Variants in RELN observed in about 807,000 individuals in gnomAD.
The protein encoded by RELN is reelin.
In RELN, 108 loss-of-function variants were observed where a neutral mutation model predicts 427.6. The observed-to-expected ratio is 0.25, with a 90% confidence interval of 0.22 to 0.30. RELN has a LOEUF of 0.30. RELN is among the 10% of genes least tolerant of loss of function. RELN has a pLI of 1.00. For synonymous variants in RELN, 1,524 were observed against 1,513.4 expected, an observed-to-expected ratio of 1.01 and a Z score of -0.16; for missense variants, 3,715 against 4,302.8, an observed-to-expected ratio of 0.86 and a Z score of 3.82.
intron 64 of RELN, among the ~76,000 whole-genome samples, chr7:103,475,224 T>C (rs1158656904): frequency 2.0e-5 from 3 of 152,194 alleles, no homozygotes; most frequent in Non-Finnish European, 4.4e-5. Flanking sequence ...AACTTTTTTT[T>C]TTTTACTTTG....
In RELN at chr7:103,561,556, A is replaced by G. The variant is rs1830641502; in HGVS notation, c.5505T>C (p.Ser1835=). ...CCCCTTTAAAAATTAGAGATGTTCC[A>G]GATTTGATGGTTTCACCATTCAGAT... is the stretch of plus-strand genomic sequence containing the variant. The part of the protein sequence containing the change: ...RGNLNGETIK[S]GTSLIFKGEG... Residue 1835 remains serine (S), a synonymous_variant, in exon 36 of 65, where the codon TCT becomes TCC. Coordinates refer to ENST00000428762, the MANE Select transcript of RELN (RefSeq NM_005045.4). The G allele has an allele frequency of 1.2e-6, 2 of 1,613,704 alleles. No homozygotes were observed. The highest frequency in any genetic ancestry group is 1.7e-6 in the Non-Finnish European group (2 of 1,179,740).
At chr7:103,627,715 T>A (rs1832358188) in intron 20 of RELN, among the ~76,000 whole-genome samples, 1 of 152,186 alleles carries the variant, frequency 6.6e-6, no homozygotes, top group African/African-American at 2.4e-5. Flanking sequence ...ACTCCTATGG[T>A]GCTGCTCAAG....
intron 10 of RELN, among the ~76,000 whole-genome samples, chr7:103,684,899 A>C (rs115035483): frequency 0.01 from 1,572 of 152,296 alleles, 33 homozygotes; most frequent in African/African-American, 0.035. Context: ...ATCTATTTTA[A>C]ACTATTTTTC....
At position 103,988,706 on chromosome 7, in the gene RELN, C is replaced by A. The variant is rs1414547817; in HGVS notation, c.226+425G>T. Among the ~76,000 whole-genome samples the A allele has an allele frequency of 6.6e-6, 1 of 152,168 alleles. No homozygotes were observed. The highest frequency in any genetic ancestry group is 2.4e-5 in the African/African-American group (1 of 41,444). The stretch of plus-strand genomic sequence containing the variant: ...TCTGTCACCAGCCTGCCCGCAAAGC[C>A]CAGCGACAGCCCCCAACGCCCCCCC... On this transcript the variant is annotated intron_variant, in intron 1 of 64. Transcript: ENST00000428762. This position sits in a 1 kb window ranked among gnomAD's most constrained non-coding sequence, Gnocchi z 4.9.
At chr7:103,499,050 C>T (rs1215518181) in intron 53 of RELN, among the ~76,000 whole-genome samples, 3 of 152,172 alleles carry the variant, frequency 2.0e-5, no homozygotes, top group Admixed American at 1.3e-4. Flanking sequence ...CAGGATCCTT[C>T]AGCCTCTAGC....
intron 2 of RELN, among the ~76,000 whole-genome samples, chr7:103,880,235 C>T (rs1225672774): frequency 1.3e-5 from 2 of 151,950 alleles, no homozygotes. Flanking sequence ...AAAGCTTACA[C>T]ATTCTTGGTG....
intron 9 of RELN, among the ~76,000 whole-genome samples, chr7:103,700,137 T>C (rs897545671): frequency 3.9e-5 from 6 of 152,106 alleles, no homozygotes; most frequent in African/African-American, 1.4e-4. Context: ...ACTTAAGTTA[T>C]GCTAATTTAA....
intron 2 of RELN, among the ~76,000 whole-genome samples, chr7:103,854,176 T>C (rs1480853796): frequency 6.6e-6 from 1 of 152,184 alleles, no homozygotes; most frequent in Non-Finnish European, 1.5e-5. Flanking sequence ...TTCACCAACC[T>C]GTTTGCTTTT....
chr7:103,632,044 G>C (rs1015763736), intron 19 of RELN, among the ~76,000 whole-genome samples: 2 of 152,048 alleles, frequency 1.3e-5, no homozygotes, highest in African/African-American at 2.4e-5. Context: ...ATAACAACTG[G>C]AAACTAGAAT....
At position 103,707,897 on chromosome 7, in the gene RELN, T is replaced by C. The variant is rs368342503; in HGVS notation, c.806-6891A>G. On this transcript the variant is annotated intron_variant, in intron 8 of 64. Transcript: ENST00000428762. ...TACAATTTTACCATAAAGAAACAAA[T>C]AATATTTACCAGTGTAAAACAGTAC... Among the ~76,000 whole-genome samples, 3 of 152,252 alleles carry C rather than the reference T, an allele frequency of 2.0e-5. No individual in the cohort carries two copies. The East Asian group carries it at 5.8e-4, about 29-fold the overall frequency.
chr7:103,734,249 C>T (rs1790435656), intron 6 of RELN, among the ~76,000 whole-genome samples: 1 of 152,094 alleles, frequency 6.6e-6, no homozygotes, highest in African/African-American at 2.4e-5. Context: ...TTTCAATAAT[C>T]CCAGTTAAAC....
intron 1 of RELN, among the ~76,000 whole-genome samples, chr7:103,919,602 T>C (rs1202362622): frequency 2.0e-5 from 3 of 152,140 alleles, no homozygotes; most frequent in Non-Finnish European, 2.9e-5. Flanking sequence ...AACCCTTTAG[T>C]GTCTGCCTCA....
At chr7:103,706,090 C>T (rs1227289216) in intron 8 of RELN, among the ~76,000 whole-genome samples, 1 of 152,072 alleles carries the variant, frequency 6.6e-6, no homozygotes, top group East Asian at 1.9e-4. Flanking sequence ...TGGGCTATTT[C>T]CCTACTCTTT....
intron 3 of RELN, among the ~76,000 whole-genome samples, chr7:103,823,583 C>T (rs570154236): frequency 2.6e-5 from 4 of 151,994 alleles, no homozygotes; most frequent in Non-Finnish European, 2.9e-5. Flanking sequence ...ATACTGATTT[C>T]CTTTTCCCTC....
At chr7:103,875,261 G>A (rs995457865) in intron 2 of RELN, among the ~76,000 whole-genome samples, 5 of 150,036 alleles carry the variant, frequency 3.3e-5, no homozygotes, top group African/African-American at 1.2e-4. Context: ...AACCCTAGAA[G>A]AAAACCTAGG....
Position 103,989,289 on chromosome 7 carries a change from G to T in RELN, c.68C>A (p.Ala23Glu), listed in dbSNP as rs370745351. Residue 23 changes from alanine (A) to glutamate (E), a missense_variant, in exon 1 of 65, where the codon GCG becomes GAG. By Grantham distance (107) the Ala-to-Glu change is moderately radical. This residue lies in a region of RELN where 2,208 missense variants were observed against 2,361.7 expected (regional missense o/e 0.93). Coordinates refer to ENST00000428762, the MANE Select transcript of RELN (RefSeq NM_005045.4). This position sits in a 1 kb window ranked among gnomAD's most constrained non-coding sequence, Gnocchi z 4.9. ...GGGGTAATAGCCAGCCGCCGCGCGC[G>T]CCCTCAGCGTCGCCCCCAGCAACAG... ...LALLLGATLR[A>E]RAAAGYYPRF... is the part of the protein sequence containing the mutation. 1.2e-6 allele frequency: 2 copies of T among 1,612,706 alleles called. No homozygotes were observed. The highest frequency in any genetic ancestry group is 2.2e-5 in the South Asian group (2 of 91,016).
In RELN at chr7:103,589,593, T is replaced by C; in HGVS notation, c.4145+3A>G. ...CCAAACCCATTAAGAATGATTACTT[T>C]ACCTGGATGCAAGAGACCTTGGAAT... On this transcript the variant is annotated splice_donor_region_variant and intron_variant, in intron 28 of 64. Coordinates refer to ENST00000428762, the MANE Select transcript of RELN (RefSeq NM_005045.4). 1.9e-6 allele frequency: 3 copies of C among 1,597,724 alleles called. No individual in the cohort carries two copies. Among genetic ancestry groups the C allele is most frequent in the Non-Finnish European group, 2.6e-6 (3 of 1,165,046 alleles).
intron 5 of RELN, among the ~76,000 whole-genome samples, chr7:103,752,761 C>CA (rs1487258659): frequency 1.3e-5 from 2 of 152,160 alleles, no homozygotes; most frequent in Non-Finnish European, 2.9e-5. Context: ...TTTTTCTTAA[C>CA]AATTCAGTAC....
chr7:103,515,350 C>T lies in RELN; in HGVS notation c.7954G>A (p.Asp2652Asn), dbSNP rs1562865566. 1.2e-6 allele frequency: 2 copies of T among 1,614,058 alleles called. No individual in the cohort carries two copies. Among genetic ancestry groups the T allele is most frequent in the East Asian group, 2.2e-5 (1 of 44,862 alleles). ...ATGAGGACATTGTCAATGGCCCAGT[C>T]GTTCTGATCCAGGCCGTCATGTCTT... ...QPRHDGLDQN[D>N]WAIDNVLISG... is the part of the protein sequence containing the mutation. Residue 2652 changes from aspartate to asparagine, a missense_variant, in exon 50 of 65, where the codon GAC (aspartate) becomes AAC (asparagine). Around this residue, in one of 4 missense-constraint regions of RELN, gnomAD observed 1,310 missense variants for 1,643.0 expected, o/e 0.80. Transcript: ENST00000428762.
Sources: allele counts gnomAD v4.1 joint callset (sites outside exome capture counted in the v4.1 genomes callset), GRCh38; gene constraint gnomAD v4.1.1; regional missense constraint gnomAD v4.1.1; non-coding constraint Gnocchi (gnomAD v3.1); transcripts MANE v1.5; gene names NCBI Gene and HGNC (gene_info 2026-07-23, HGNC 2026-07-21).